The following OSTN variants were observed in gnomAD, a reference collection of about 807,000 sequenced individuals.
OSTN encodes the protein osteocrin.
Under a neutral mutation model 12.0 loss-of-function variants are expected in OSTN, and 9 were observed. That is an observed-to-expected ratio of 0.75 (90% CI 0.45 to 1.30). The LOEUF (loss-of-function observed/expected upper bound fraction) is 1.30, where lower values mean the gene tolerates loss of function less well. Among genes scored for constraint, OSTN ranks in the 50% most tolerant of loss-of-function variants. The pLI, the probability that OSTN is intolerant of heterozygous loss-of-function variation, is 0.00. For missense variants in OSTN, 148 were observed against 152.3 expected (o/e 0.97, Z 0.15); for synonymous variants, 59 against 56.9 (o/e 1.04, Z -0.16).
At chr3:191,254,799 A>C (rs1715634615) in intron 4 of OSTN, among the ~76,000 whole-genome samples, 1 of 152,198 alleles carries the variant, frequency 6.6e-6, no homozygotes, top group Admixed American at 6.5e-5. Flanking sequence ...TGGCCATACA[A>C]GGTCTTTTTA....
chr3:191,244,478 C>T (rs1314067529), intron 3 of OSTN, among the ~76,000 whole-genome samples: 1 of 151,150 alleles, frequency 6.6e-6, no homozygotes, highest in African/African-American at 2.4e-5. Context: ...TCAAAAAGTA[C>T]AGCTTTCTCT....
At chr3:191,213,104 C>T (rs971989891) in intron 2 of OSTN, among the ~76,000 whole-genome samples, 4 of 151,748 alleles carry the variant, frequency 2.6e-5, no homozygotes, top group African/African-American at 2.4e-5. Flanking sequence ...CTCCTGACCT[C>T]GAGATCCGCC....
At chr3:191,230,087 AAT>A (rs1046258910) in intron 3 of OSTN, among the ~76,000 whole-genome samples, 2 of 151,748 alleles carry the variant, frequency 1.3e-5, no homozygotes, top group African/African-American at 4.8e-5. Context: ...TAAATAAATA[AAT>A]AAATAAATAA....
chr3:191,250,614 C>G (rs1715541946), intron 4 of OSTN, among the ~76,000 whole-genome samples: 1 of 152,190 alleles, frequency 6.6e-6, no homozygotes, highest in Non-Finnish European at 1.5e-5. Context: ...AATCAAAACA[C>G]TTTATCCAAA....
intron 4 of OSTN, among the ~76,000 whole-genome samples, chr3:191,259,964 C>T (rs943670425): frequency 2.0e-5 from 3 of 150,156 alleles, no homozygotes. Flanking sequence ...AAGTGATTCT[C>T]CTGCCTCAGC....
chr3:191,206,669 T>G, intron 1 of OSTN, among the ~76,000 whole-genome samples: 1 of 152,218 alleles, frequency 6.6e-6, no homozygotes, highest in Non-Finnish European at 1.5e-5. Context: ...TCCATTTTAG[T>G]TGGTCTAGAG....
At chr3:191,227,151 A>G (rs1260843779) in intron 3 of OSTN, among the ~76,000 whole-genome samples, 1 of 152,170 alleles carries the variant, frequency 6.6e-6, no homozygotes, top group East Asian at 1.9e-4. Flanking sequence ...AATAAAGAAG[A>G]AAAAGAACAA....
At chr3:191,236,458 T>A (rs770021112) in intron 3 of OSTN, among the ~76,000 whole-genome samples, 9 of 151,726 alleles carry the variant, frequency 5.9e-5, no homozygotes, top group Non-Finnish European at 8.8e-5. Flanking sequence ...AACAAAAAAA[T>A]GCCTACTCCA....
chr3:191,204,022 G>C (rs1714213670), intron 1 of OSTN, among the ~76,000 whole-genome samples: 1 of 152,110 alleles, frequency 6.6e-6, no homozygotes. Flanking sequence ...AGAGTGGCTG[G>C]GATTACAGGC....
intron 2 of OSTN, among the ~76,000 whole-genome samples, chr3:191,215,924 C>T (rs550207508): frequency 1.7e-4 from 26 of 152,168 alleles, no homozygotes; most frequent in Non-Finnish European, 3.7e-4. Flanking sequence ...CACAGCTCTA[C>T]TGGGCAGTAC....
chr3:191,227,939 T>G (rs1055979569), intron 3 of OSTN, among the ~76,000 whole-genome samples: 12 of 152,180 alleles, frequency 7.9e-5, no homozygotes, highest in African/African-American at 2.7e-4. Flanking sequence ...TTTATTTCAT[T>G]TTTTCCATGC....
chr3:191,254,884 T>C (rs1186612239), intron 4 of OSTN, among the ~76,000 whole-genome samples: 1 of 152,206 alleles, frequency 6.6e-6, no homozygotes, highest in Non-Finnish European at 1.5e-5. Flanking sequence ...GTTAACCAAA[T>C]CAAAGATTTA....
chr3:191,260,508 T>A (rs1560127406), intron 4 of OSTN, among the ~76,000 whole-genome samples: 1 of 152,182 alleles, frequency 6.6e-6, no homozygotes, highest in South Asian at 2.1e-4. Context: ...GCCAGTAATC[T>A]GTGACACCAG....
chr3:191,262,734 C>G, intron 4 of OSTN, 132 bp from the exon 5 acceptor site: 1 of 526,384 alleles, frequency 1.9e-6, no homozygotes. Flanking sequence ...TAAAAAATTG[C>G]CATGTAAATA....
intron 3 of OSTN, among the ~76,000 whole-genome samples, chr3:191,237,298 A>G (rs1422084217): frequency 6.6e-6 from 1 of 152,222 alleles, no homozygotes; most frequent in Non-Finnish European, 1.5e-5. Context: ...CATTAAATGA[A>G]TAGTTTTAGA....
Position 191,218,910 on chromosome 3 carries a change from C to T in OSTN, c.266C>T (p.Ser89Phe). 4 of 1,614,066 alleles carry T rather than the reference C, an allele frequency of 2.5e-6. No homozygotes were observed. Among genetic ancestry groups the T allele is most frequent in the Non-Finnish European group, 3.4e-6 (4 of 1,179,972 alleles). ...AAAAGGAGTTTCTCTGGTTTTGGGT[C>T]TCCCCTTGACAGACTCTCAGCTGGC... ...KKKRSFSGFGSPLDRLSAGSV... is the reference protein window; with the variant it reads ...KKKRSFSGFGFPLDRLSAGSV... The change falls in exon 3 of 5, where the codon TCT becomes TTT. Residue 89 changes from serine (S) to phenylalanine (F), a missense_variant. Physicochemically the swap from Ser to Phe is radical, Grantham distance 155. Coordinates refer to ENST00000682035, the MANE Select transcript of OSTN (RefSeq NM_198184.2).
At chr3:191,207,952 A>G (rs1714320433) in intron 1 of OSTN, among the ~76,000 whole-genome samples, 1 of 152,206 alleles carries the variant, frequency 6.6e-6, no homozygotes, top group Non-Finnish European at 1.5e-5. Flanking sequence ...GATGTTATAC[A>G]ACATAAGACA....
intron 4 of OSTN, among the ~76,000 whole-genome samples, chr3:191,260,102 C>G (rs6444528): frequency 0.76 from 115,255 of 151,826 alleles, 44,313 homozygotes; most frequent in African/African-American, 0.89. Flanking sequence ...CGCCACCTCA[C>G]CCTCCCAAAG....
chr3:191,237,417 G>T (rs183446283), intron 3 of OSTN, among the ~76,000 whole-genome samples: 1 of 152,296 alleles, frequency 6.6e-6, no homozygotes, highest in Non-Finnish European at 1.5e-5. Flanking sequence ...AGCAGAAGAA[G>T]AAAGCTAGGC....
Sources: gnomAD v4.1 joint callset for allele counts (sites outside exome capture counted in the v4.1 genomes callset) on GRCh38, gnomAD v4.1.1 for gene constraint, MANE v1.5 for transcripts, NCBI Gene and HGNC (gene_info 2026-07-23, HGNC 2026-07-21) for gene names.